C2CD3: variants seen among roughly 807,000 people sequenced by gnomAD.
C2CD3 encodes C2 domain containing 3 centriole elongation regulator.
Under a neutral mutation model 234.0 loss-of-function variants are expected in C2CD3, and 148 were observed. That is an observed-to-expected ratio of 0.63 (90% CI 0.55 to 0.72). The LOEUF (loss-of-function observed/expected upper bound fraction) is 0.72. Ranked by LOEUF, C2CD3 falls within the 30% of genes least tolerant of loss-of-function variation. The probability of loss-of-function intolerance (pLI) is 0.00; values close to 1 mark genes in which losing one functional copy is unlikely to be tolerated. For missense variants in C2CD3, 2,577 were observed against 2,811.5 expected, an observed-to-expected ratio of 0.92 and a Z score of 1.89; for synonymous variants, 1,000 against 1,035.4, an observed-to-expected ratio of 0.97 and a Z score of 0.66.
At chr11:74,170,700 C>T (rs369311328) in intron 1 of C2CD3, 38 bp downstream of exon 1, 13 of 1,613,464 alleles carry the variant, frequency 8.1e-6, no homozygotes, top group South Asian at 1.1e-5. Context: ...CCCTGCTCTC[C>T]TATTACGCTT....
intron 24 of C2CD3, among the ~76,000 whole-genome samples, chr11:74,063,177 C>T (rs1954332290): frequency 6.6e-6 from 1 of 152,210 alleles, no homozygotes; most frequent in Admixed American, 6.5e-5. Flanking sequence ...CAGATGGATT[C>T]ACAGCCGCAT....
At chr11:74,091,996 G>A (rs945915048) in intron 19 of C2CD3, among the ~76,000 whole-genome samples, 4 of 151,842 alleles carry the variant, frequency 2.6e-5, no homozygotes, top group Middle Eastern at 3.4e-3. Flanking sequence ...GAGAGAAAAG[G>A]GATGTTTATG....
chr11:74,114,262 G>T, intron 10 of C2CD3, 122 bp downstream of exon 10: 1 of 708,076 alleles, frequency 1.4e-6, no homozygotes, highest in Non-Finnish European at 2.5e-6. Context: ...ATATATTTCT[G>T]TAGATTAAAT....
In C2CD3 at chr11:74,042,223, CAAAAA is replaced by C. The variant is rs747090151; in HGVS notation, c.5496-10_5496-6del. 1,126 of 1,375,064 alleles carry C rather than the reference CAAAAA, an allele frequency of 8.2e-4. No homozygotes were observed. Among genetic ancestry groups the C allele is most frequent in the South Asian group, 1.8e-3 (117 of 65,520 alleles). 85.2% of individuals were successfully genotyped at this position (1,375,064 alleles called of 1,614,324 possible). ...TGGCTTCTTGTGGTATCACTTCTGT[CAAAAA>C]AAAAAAAAAAAAAAGTAGGAGCAAA... On this transcript the variant is annotated splice_polypyrimidine_tract_variant and splice_region_variant and intron_variant, in intron 28 of 32. Coordinates refer to ENST00000334126, the MANE Select transcript of C2CD3 (RefSeq NM_001286577.2).
intron 19 of C2CD3, chr11:74,091,185 C>T (rs1590772638): frequency 5.4e-6 from 2 of 373,576 alleles, no homozygotes; most frequent in South Asian, 9.3e-5. Flanking sequence ...CAAGATTACA[C>T]AACTACTGAA....
At position 74,170,949 on chromosome 11, in the gene C2CD3, C is replaced by A; in HGVS notation, c.-157G>T. 6.7e-7 allele frequency: 1 copy of A among 1,488,416 alleles called. No individual in the cohort carries two copies. The highest frequency in any genetic ancestry group is 2.5e-5 in the East Asian group (1 of 40,672). The allele number at this position is 1,488,416 out of a possible 1,614,324, so 92.2% of individuals were successfully genotyped here. A position where few individuals can be genotyped will look rare whatever the true frequency, so the allele number is the denominator to read the frequency against. ...AAAGCGACTCTTCCTCTAACAGTCT[C>A]CGGAAAACGGTGCGAAGAGAAGGCG... is the stretch of plus-strand genomic sequence containing the variant. On this transcript the variant is annotated 5_prime_UTR_variant, in exon 1 of 33. Coordinates refer to ENST00000334126, the MANE Select transcript of C2CD3 (RefSeq NM_001286577.2).
chr11:74,117,201 TATATATATATGA>T (rs1449766937), intron 9 of C2CD3, among the ~76,000 whole-genome samples: 9 of 37,868 alleles, frequency 2.4e-4, no homozygotes, highest in African/African-American at 1.1e-3. Context: ...TATATATGAA[TATATATATATGA>T]ATATATATAT....
In C2CD3 at chr11:74,028,317, T is replaced by G. The variant is rs1411575131; in HGVS notation, c.6891A>C (p.Ala2297=). The G allele has an allele frequency of 1.8e-5, 28 of 1,535,974 alleles. No homozygotes were observed. Among genetic ancestry groups the G allele is most frequent in the Non-Finnish European group, 2.4e-5 (27 of 1,146,876 alleles). ...EASLRMLSLS[A]TLPPAATTDQ... ...CTGTTGTGGCTGCTGGTGGCAAAGT[T>G]GCTGAGAGTGAAAGCATCCGCAGGG... Residue 2297 remains alanine, a synonymous_variant, in exon 32 of 33, where the codon GCA becomes GCC. Coordinates refer to ENST00000334126, the MANE Select transcript of C2CD3 (RefSeq NM_001286577.2).
intron 8 of C2CD3, among the ~76,000 whole-genome samples, chr11:74,121,133 C>T (rs1957198443): frequency 6.6e-6 from 1 of 152,058 alleles, no homozygotes; most frequent in Admixed American, 6.6e-5. Flanking sequence ...ATTCTAACAC[C>T]ATGCTCAAGG....
intron 2 of C2CD3, 91 bp downstream of exon 2, chr11:74,168,253 T>C (rs1856931405): frequency 3.0e-6 from 3 of 1,003,924 alleles, no homozygotes; most frequent in Admixed American, 2.1e-5. Flanking sequence ...AATGCCCATA[T>C]ATGCTAGGTA....
chr11:74,056,457 ACCT>A (rs1252711556), intron 25 of C2CD3, among the ~76,000 whole-genome samples: 1 of 152,158 alleles, frequency 6.6e-6, no homozygotes, highest in Admixed American at 6.5e-5. Flanking sequence ...CCCAAGGGAG[ACCT>A]AACATTTGTT....
chr11:74,111,056 C>G (rs888044693), intron 11 of C2CD3, among the ~76,000 whole-genome samples: 2 of 152,156 alleles, frequency 1.3e-5, no homozygotes, highest in African/African-American at 4.8e-5. Flanking sequence ...GTTTAAGAAG[C>G]AATACAGATT....
chr11:74,160,433 T>C (rs1055248537), intron 3 of C2CD3, among the ~76,000 whole-genome samples: 10 of 152,170 alleles, frequency 6.6e-5, no homozygotes, highest in Non-Finnish European at 1.2e-4. Context: ...CTGCTATTTG[T>C]GACAACATGG....
intron 11 of C2CD3, among the ~76,000 whole-genome samples, chr11:74,111,158 T>C (rs1321130702): frequency 6.6e-6 from 1 of 152,214 alleles, no homozygotes; most frequent in Non-Finnish European, 1.5e-5. Flanking sequence ...ACTTAACTAA[T>C]TTATGTCTCA....
intron 11 of C2CD3, chr11:74,113,421 G>A: frequency 3.7e-6 from 1 of 272,754 alleles, no homozygotes; most frequent in South Asian, 3.8e-5. Flanking sequence ...GCTTATGCCT[G>A]TAATCCCAGC....
At chr11:74,101,673 C>G (rs1314563866) in intron 14 of C2CD3, among the ~76,000 whole-genome samples, 2 of 152,058 alleles carry the variant, frequency 1.3e-5, no homozygotes. Context: ...AAAAGCTCTG[C>G]TTAAGTGGTG....
chr11:74,084,224 A>G (rs1199792267), intron 22 of C2CD3, among the ~76,000 whole-genome samples: 1 of 152,070 alleles, frequency 6.6e-6, no homozygotes, highest in East Asian at 1.9e-4. Flanking sequence ...GTTCTTACTC[A>G]TAGGTGGGAA....
chr11:74,030,220 C>T (rs147719245), intron 31 of C2CD3, among the ~76,000 whole-genome samples: 159 of 152,230 alleles, frequency 1.0e-3, no homozygotes, highest in African/African-American at 3.6e-3. Context: ...TTTTGTGCCG[C>T]AATTTCTCCA....
intron 9 of C2CD3, among the ~76,000 whole-genome samples, chr11:74,116,487 G>A (rs1260871480): frequency 6.6e-6 from 1 of 151,814 alleles, no homozygotes; most frequent in Non-Finnish European, 1.5e-5. Flanking sequence ...GAATGTTGGT[G>A]AGGATGTGGT....
Sources: gnomAD v4.1 joint callset for allele counts (sites outside exome capture counted in the v4.1 genomes callset) on GRCh38, gnomAD v4.1.1 for gene constraint, MANE v1.5 for transcripts, NCBI Gene and HGNC (gene_info 2026-07-23, HGNC 2026-07-21) for gene names.